PPARG: variants seen among roughly 807,000 people sequenced by gnomAD.
PPARG encodes peroxisome proliferator-activated receptor gamma.
A neutral mutation model predicts 39.2 loss-of-function variants in PPARG; 17 were observed. The ratio of observed to expected loss-of-function variants is 0.43; its 90% CI spans 0.30 to 0.65. The LOEUF (loss-of-function observed/expected upper bound fraction) is 0.65, where lower values mean the gene tolerates loss of function less well. Ranked by LOEUF, PPARG falls within the 30% of genes least tolerant of loss-of-function variation. PPARG has a pLI of 0.13. For synonymous variants in PPARG, 223 were observed against 215.7 expected, an observed-to-expected ratio of 1.03 and a Z score of -0.30; for missense variants, 406 against 585.9, an observed-to-expected ratio of 0.69 and a Z score of 3.17.
At chr3:12,385,033 C>T (rs564699959) in intron 4 of PPARG, among the ~76,000 whole-genome samples, 1 of 152,226 alleles carries the variant, frequency 6.6e-6, no homozygotes, top group South Asian at 2.1e-4. Flanking sequence ...AAATTGCTGC[C>T]ACATTCTGAA....
chr3:12,289,557 G>A (rs1388494577), intron 1 of PPARG, among the ~76,000 whole-genome samples: 2 of 152,148 alleles, frequency 1.3e-5, no homozygotes, highest in Admixed American at 6.5e-5. Flanking sequence ...GATTTATTAA[G>A]AGAACAATGA....
At chr3:12,365,392 C>A (rs1027177173) in intron 2 of PPARG, among the ~76,000 whole-genome samples, 2 of 151,994 alleles carry the variant, frequency 1.3e-5, no homozygotes, top group African/African-American at 4.8e-5. Flanking sequence ...TAATGAAGTC[C>A]AGATAATCAG....
intron 2 of PPARG, among the ~76,000 whole-genome samples, chr3:12,361,877 G>T (rs1021078598): frequency 6.6e-6 from 1 of 152,132 alleles, no homozygotes; most frequent in Non-Finnish European, 1.5e-5. Context: ...CCGAGATTTT[G>T]ATTGGAATTG....
At chr3:12,305,070 C>G (rs2047024457) in intron 1 of PPARG, among the ~76,000 whole-genome samples, 1 of 151,968 alleles carries the variant, frequency 6.6e-6, no homozygotes, top group Non-Finnish European at 1.5e-5. Context: ...GTAGCACTAG[C>G]TCTTGTTCTT....
intron 7 of PPARG, among the ~76,000 whole-genome samples, chr3:12,426,995 A>T (rs889887464): frequency 6.6e-6 from 1 of 152,188 alleles, no homozygotes; most frequent in Non-Finnish European, 1.5e-5. Flanking sequence ...AGTGAATCAG[A>T]ATCTCTAGGG....
chr3:12,412,937 G>T (rs978056302), intron 6 of PPARG, among the ~76,000 whole-genome samples: 10 of 152,116 alleles, frequency 6.6e-5, no homozygotes, highest in Non-Finnish European at 1.2e-4. Flanking sequence ...CCAACTAGAA[G>T]TGTAAAATCA....
intron 2 of PPARG, among the ~76,000 whole-genome samples, chr3:12,312,997 C>G (rs1426224646): frequency 6.6e-6 from 1 of 152,142 alleles, no homozygotes; most frequent in Non-Finnish European, 1.5e-5. Context: ...CAGGGGCTCC[C>G]AAAGTTTCGG....
chr3:12,424,810 T>G (rs2051381784), intron 7 of PPARG, among the ~76,000 whole-genome samples: 1 of 152,174 alleles, frequency 6.6e-6, no homozygotes, highest in Non-Finnish European at 1.5e-5. Flanking sequence ...TCTCTCTTCC[T>G]AGATGTGTGC....
At chr3:12,371,558 T>A (rs1457263152) in intron 2 of PPARG, among the ~76,000 whole-genome samples, 2 of 152,208 alleles carry the variant, frequency 1.3e-5, no homozygotes, top group Admixed American at 1.3e-4. Flanking sequence ...TACATGAGAC[T>A]TTTTCCCTCA....
chr3:12,287,873 C>A (rs1208226958), upstream of PPARG: 934 of 141,562 alleles, frequency 6.6e-3, 8 homozygotes, highest in African/African-American at 0.022. Flanking sequence ...GCCCCCGCGC[C>A]GGGCCCGGCT....
At chr3:12,353,681 C>T (rs1472023146) in intron 2 of PPARG, among the ~76,000 whole-genome samples, 2 of 152,212 alleles carry the variant, frequency 1.3e-5, no homozygotes, top group Admixed American at 6.5e-5. Context: ...AAAATCTCGA[C>T]TACACTTAGC....
Position 12,289,654 on chromosome 3 carries a change from T to G in PPARG, c.-83+520T>G, listed in dbSNP as rs945158984. Among the ~76,000 whole-genome samples, 20 of 152,338 alleles carry G rather than the reference T, an allele frequency of 1.3e-4. No individual in the cohort carries two copies. In the East Asian group the frequency reaches 3.7e-3, roughly 28 times the overall value. On this transcript the variant is annotated intron_variant, in intron 1 of 7. Transcript: ENST00000651735. ...AGTCTTTCTGTCTATTGCTAAGTGA[T>G]CGATTGCTGACTGAGAACAGAACCA...
intron 1 of PPARG, among the ~76,000 whole-genome samples, chr3:12,294,853 A>G (rs1322526771): frequency 6.6e-6 from 1 of 152,190 alleles, no homozygotes; most frequent in Non-Finnish European, 1.5e-5. Flanking sequence ...AGATCACGCT[A>G]TTGCACTCCA....
Position 12,397,378 on chromosome 3 carries a change from TTTATTATTATTATTATTA to T in PPARG, c.529+4659_529+4676del, listed in dbSNP as rs200520715. On this transcript the variant is annotated intron_variant, in intron 5 of 7. Transcript: ENST00000651735. ...AGATTTCAACTTTAACCTATTCCTT[TTTATTATTATTATTATTA>T]TTATTATTATTATTATTATTATTAT... Among the ~76,000 whole-genome samples the T allele has an allele frequency of 4.7e-3, 623 of 132,102 alleles. 7 individuals carry two copies. The highest frequency in any genetic ancestry group is 0.016 in the African/African-American group (553 of 35,560). The allele number at this position is 132,102 out of a possible 152,430, so 86.7% of individuals were successfully genotyped here. A position where few individuals can be genotyped will look rare whatever the true frequency, so the allele number is the denominator to read the frequency against.
chr3:12,375,689 G>A (rs1217641067), intron 2 of PPARG, among the ~76,000 whole-genome samples: 1 of 152,170 alleles, frequency 6.6e-6, no homozygotes, highest in Non-Finnish European at 1.5e-5. Flanking sequence ...TGAAACAAAG[G>A]ACACAGTTGG....
At chr3:12,399,079 T>C (rs1228493223) in intron 5 of PPARG, among the ~76,000 whole-genome samples, 1 of 152,134 alleles carries the variant, frequency 6.6e-6, no homozygotes, top group Non-Finnish European at 1.5e-5. Flanking sequence ...CTACCAGACA[T>C]GTCCTTTCCA....
intron 1 of PPARG, among the ~76,000 whole-genome samples, chr3:12,311,731 G>A (rs1028523056): frequency 6.6e-6 from 1 of 152,192 alleles, no homozygotes; most frequent in Admixed American, 6.5e-5. Flanking sequence ...GGATCCTTGA[G>A]CCTTTCATAA....
At chr3:12,410,171 GT>G (rs1432613358) in intron 6 of PPARG, among the ~76,000 whole-genome samples, 1 of 152,188 alleles carries the variant, frequency 6.6e-6, no homozygotes, top group African/African-American at 2.4e-5. Context: ...GGAACTGACT[GT>G]CCCCACAACC....
chr3:12,334,457 C>T (rs2012444), intron 2 of PPARG, among the ~76,000 whole-genome samples: 13,412 of 152,042 alleles, frequency 0.088, 752 homozygotes, highest in Non-Finnish European at 0.12. Context: ...TCTCGAACTC[C>T]TGACCTCAAG....
Sources: allele counts gnomAD v4.1 joint callset (sites outside exome capture counted in the v4.1 genomes callset), GRCh38; gene constraint gnomAD v4.1.1; transcripts MANE v1.5; gene names NCBI Gene and HGNC (gene_info 2026-07-23, HGNC 2026-07-21).